The following FRAS1 variants were observed in gnomAD, a reference collection of about 807,000 sequenced individuals.
FRAS1 encodes the protein Fraser extracellular matrix complex subunit 1.
Under a neutral mutation model 435.2 loss-of-function variants are expected in FRAS1, and 290 were observed. That is an observed-to-expected ratio of 0.67 (90% CI 0.61 to 0.73). The LOEUF is 0.73. FRAS1 is among the 30% of genes least tolerant of loss of function. FRAS1 has a pLI of 0.00. For missense variants in FRAS1, 4,860 were observed against 5,001.5 expected, an observed-to-expected ratio of 0.97 and a Z score of 0.85; for synonymous variants, 1,800 against 1,851.0, an observed-to-expected ratio of 0.97 and a Z score of 0.71.
At chr4:78,489,958 T>A (rs1578354776) in intron 59 of FRAS1, among the ~76,000 whole-genome samples, 1 of 27,204 alleles carries the variant, frequency 3.7e-5, no homozygotes, top group African/African-American at 8.0e-5. Context: ...CCACTAAAGC[T>A]AGTGGAAAAC....
Position 78,266,852 on chromosome 4 carries a change from G to T in FRAS1, c.706G>T (p.Glu236Ter). The change falls in exon 8 of 74, where the codon GAA becomes TAA. Residue 236 changes from glutamate to a stop codon, truncating the protein, a stop_gained. Transcript: ENST00000512123. LOFTEE classifies it high-confidence loss of function. ...CATGCAGCATGGTGAGCAGTGGAGC[G>T]AAAATGCCTGCACCACGTGTATATG... The part of the protein sequence containing the change: ...QVYEHGEQWS[E>*]NACTTCICDR... 6.2e-7 allele frequency: 1 copy of T among 1,603,592 alleles called. No homozygotes were observed. Among genetic ancestry groups the T allele is most frequent in the Non-Finnish European group, 8.5e-7 (1 of 1,174,878 alleles).
chr4:78,413,222 TG>T, intron 32 of FRAS1, 137 bp downstream of exon 32: 1 of 514,016 alleles, frequency 1.9e-6, no homozygotes. Flanking sequence ...AAAAGCCTAG[TG>T]GTCACATTTC....
chr4:78,275,327 A>G (rs1726945406), intron 9 of FRAS1, among the ~76,000 whole-genome samples: 1 of 152,100 alleles, frequency 6.6e-6, no homozygotes, highest in South Asian at 2.1e-4. Flanking sequence ...TAAGGTTAAT[A>G]TTGTTATGTG....
chr4:78,089,442 A>T (rs927377515), intron 2 of FRAS1, among the ~76,000 whole-genome samples: 4 of 151,878 alleles, frequency 2.6e-5, no homozygotes, highest in South Asian at 4.2e-4. Context: ...TAATAAAGTT[A>T]AAAAAAATAA....
At chr4:78,443,998 G>A (rs3762844) in intron 41 of FRAS1, 234,688 of 342,900 alleles carry the variant, frequency 0.68, 81,896 homozygotes, top group Non-Finnish European at 0.74. Context: ...ACAGGCATCC[G>A]CCATCATGCC....
At chr4:78,253,066 C>G (rs1385770640) in intron 5 of FRAS1, among the ~76,000 whole-genome samples, 1 of 152,150 alleles carries the variant, frequency 6.6e-6, no homozygotes, top group Non-Finnish European at 1.5e-5. Flanking sequence ...GTCCTTATCG[C>G]AACCACATAA....
rs1479848483 is a variant in FRAS1 at position 78,315,726 on chromosome 4, G to A, written c.1811G>A (p.Arg604Lys). 1.2e-6 allele frequency: 2 copies of A among 1,613,926 alleles called. No homozygotes were observed. The highest frequency in any genetic ancestry group is 1.1e-5 in the South Asian group (1 of 91,066). The change falls in exon 16 of 74, where the codon AGG becomes AAG. Residue 604 changes from arginine (R) to lysine (K), a missense_variant. Physicochemically the swap from Arg to Lys is conservative, Grantham distance 26. Coordinates refer to ENST00000512123, the MANE Select transcript of FRAS1 (RefSeq NM_025074.7). ...GGGTACTATGCTGATGCCACTGGCA[G>A]GTGCAAAGGTAAGAGATGGGTCACC... is the stretch of plus-strand genomic sequence containing the variant. ...PGGYYADATG[R>K]CKVCHNSCAS...
intron 45 of FRAS1, among the ~76,000 whole-genome samples, chr4:78,451,244 G>A (rs1365032855): frequency 6.6e-6 from 1 of 152,114 alleles, no homozygotes; most frequent in Non-Finnish European, 1.5e-5. Flanking sequence ...CATTTTTGTT[G>A]TACTTCTCCT....
At chr4:78,124,346 T>A (rs1719214697) in intron 2 of FRAS1, among the ~76,000 whole-genome samples, 1 of 152,204 alleles carries the variant, frequency 6.6e-6, no homozygotes, top group Non-Finnish European at 1.5e-5. Flanking sequence ...GTGGATAAGC[T>A]TTTTGATGTG....
intron 29 of FRAS1, among the ~76,000 whole-genome samples, chr4:78,399,078 G>A (rs959194653): frequency 6.6e-6 from 1 of 151,932 alleles, no homozygotes; most frequent in African/African-American, 2.4e-5. Context: ...TATATATAAA[G>A]TTTTTTTTAC....
chr4:78,297,920 T>A (rs1728212025), intron 14 of FRAS1, among the ~76,000 whole-genome samples: 1 of 151,702 alleles, frequency 6.6e-6, no homozygotes, highest in Non-Finnish European at 1.5e-5. Flanking sequence ...GTGGGATTTT[T>A]GCTAAATCAG....
At chr4:78,492,083 A>G (rs1001038162) in intron 59 of FRAS1, among the ~76,000 whole-genome samples, 2 of 152,334 alleles carry the variant, frequency 1.3e-5, no homozygotes, top group South Asian at 4.1e-4. Context: ...CTAAGAATAC[A>G]ACTTACAAGG....
In FRAS1 at chr4:78,363,514, C is replaced by A. The variant is rs1341231264; in HGVS notation, c.2424C>A (p.Asp808Glu). Residue 808 changes from aspartate to glutamate, a missense_variant and splice_region_variant, in exon 21 of 74, where the codon GAC (aspartate) becomes GAA (glutamate). Physicochemically the swap from Asp to Glu is conservative, Grantham distance 45 (BLOSUM62 2). Coordinates refer to ENST00000512123, the MANE Select transcript of FRAS1 (RefSeq NM_025074.7). ...TCTGTGCTCCCCTTCCCCCTCCAGA[C>A]TGCCATCACCTGTGCCAGCACTGTG... ...QFLNLVGYCA[D>E]CHHLCQHCAA... 2 of 1,607,242 alleles carry A rather than the reference C, an allele frequency of 1.2e-6. No homozygotes were observed. Among genetic ancestry groups the A allele is most frequent in the Non-Finnish European group, 1.7e-6 (2 of 1,175,874 alleles).
At chr4:78,412,415 C>T (rs1167984843) in intron 31 of FRAS1, among the ~76,000 whole-genome samples, 1 of 152,156 alleles carries the variant, frequency 6.6e-6, no homozygotes, top group Non-Finnish European at 1.5e-5. Flanking sequence ...ATTTTGTGAC[C>T]ATTACAGTAA....
chr4:78,066,957 T>C (rs1578101835), intron 2 of FRAS1, among the ~76,000 whole-genome samples: 1 of 152,204 alleles, frequency 6.6e-6, no homozygotes, highest in East Asian at 1.9e-4. Context: ...TAAATATTTT[T>C]CTATCAAAAA....
chr4:78,250,818 T>G (rs1232561380), intron 4 of FRAS1, among the ~76,000 whole-genome samples: 1 of 152,232 alleles, frequency 6.6e-6, no homozygotes, highest in Non-Finnish European at 1.5e-5. Context: ...TGTTAAAGTC[T>G]TTTCATATCA....
chr4:78,221,917 C>T (rs116322362), intron 2 of FRAS1, among the ~76,000 whole-genome samples: 1,921 of 152,276 alleles, frequency 0.013, 41 homozygotes, highest in African/African-American at 0.044. Context: ...ATAGTGTTCA[C>T]TCTGTCTTTA....
chr4:78,214,823 C>A (rs1723682944), intron 2 of FRAS1, among the ~76,000 whole-genome samples: 2 of 152,188 alleles, frequency 1.3e-5, no homozygotes, highest in Admixed American at 6.5e-5. Flanking sequence ...CCAGTCCTAT[C>A]TTGACAACCT....
At chr4:78,203,502 T>C (rs553306694) in intron 2 of FRAS1, among the ~76,000 whole-genome samples, 7 of 152,330 alleles carry the variant, frequency 4.6e-5, no homozygotes, top group African/African-American at 1.4e-4. Context: ...AATTGAGGTC[T>C]AACAAAGTGA....
Sources: allele counts gnomAD v4.1 joint callset (sites outside exome capture counted in the v4.1 genomes callset), GRCh38; gene constraint gnomAD v4.1.1; transcripts MANE v1.5; gene names NCBI Gene and HGNC (gene_info 2026-07-23, HGNC 2026-07-21).